Variants in PNLIP observed in about 807,000 individuals in gnomAD.
PNLIP encodes pancreatic lipase.
A neutral mutation model predicts 57.1 loss-of-function variants in PNLIP; 49 were observed. That is an observed-to-expected ratio of 0.86 (90% CI 0.68 to 1.09). PNLIP has a LOEUF of 1.09. Among genes scored for constraint, PNLIP ranks in the 50% least tolerant of loss-of-function variants. PNLIP has a pLI of 0.00. For missense variants in PNLIP, 503 were observed against 570.2 expected (o/e 0.88, Z 1.20); for synonymous variants, 209 against 200.4 (o/e 1.04, Z -0.36).
At chr10:116,549,420 A>C (rs1199862634) in intron 4 of PNLIP, among the ~76,000 whole-genome samples, 1 of 152,142 alleles carries the variant, frequency 6.6e-6, no homozygotes, top group Non-Finnish European at 1.5e-5. Flanking sequence ...CAGAGGTTGC[A>C]GTGAGCCAAG....
Position 116,545,957 on chromosome 10 carries a change from C to A in PNLIP, c.-2C>A. 2 of 700,544 alleles carry A rather than the reference C, an allele frequency of 2.9e-6. No individual in the cohort carries two copies. Among genetic ancestry groups the A allele is most frequent in the Non-Finnish European group, 5.0e-6 (2 of 398,224 alleles). 43.4% of individuals were successfully genotyped at this position (700,544 alleles called of 1,614,324 possible). A position where few individuals can be genotyped will look rare whatever the true frequency, so the allele number is the denominator to read the frequency against. ...CGTGTGGAACCTGACGGAACTGCCACGGTGAGTCGGGAACATGTTTTCCAG... is the reference window on the plus strand; with the variant it reads ...CGTGTGGAACCTGACGGAACTGCCAAGGTGAGTCGGGAACATGTTTTCCAG... On this transcript the variant is annotated splice_region_variant and 5_prime_UTR_variant, in exon 1 of 13. Coordinates refer to ENST00000369221, the MANE Select transcript of PNLIP (RefSeq NM_000936.4).
intron 12 of PNLIP, among the ~76,000 whole-genome samples, chr10:116,566,547 T>G (rs964092154): frequency 6.6e-6 from 1 of 152,172 alleles, no homozygotes; most frequent in African/African-American, 2.4e-5. Context: ...AATTTAAATA[T>G]GTACAGTTTA....
At chr10:116,565,979 T>G (rs2133210656) in intron 12 of PNLIP, among the ~76,000 whole-genome samples, 2 of 152,254 alleles carry the variant, frequency 1.3e-5, no homozygotes, top group East Asian at 3.9e-4. Flanking sequence ...CAGCTAATTT[T>G]TGTATTTTTA....
At chr10:116,550,279 C>A (rs192522410) in intron 4 of PNLIP, among the ~76,000 whole-genome samples, 1,783 of 151,366 alleles carry the variant, frequency 0.012, 39 homozygotes, top group African/African-American at 0.041. Flanking sequence ...AGGATGGTCT[C>A]GATCTCATGA....
chr10:116,565,374 C>G lies in PNLIP; in HGVS notation c.1335-2361C>G, dbSNP rs1229354923. Among the ~76,000 whole-genome samples the G allele has an allele frequency of 4.7e-5, 7 of 150,226 alleles. No homozygotes were observed. The East Asian group carries it at 1.4e-3, about 29-fold the overall frequency. On this transcript the variant is annotated intron_variant, in intron 12 of 12. Coordinates refer to ENST00000369221, the MANE Select transcript of PNLIP (RefSeq NM_000936.4). ...AATAATCATATAAAGTAAAAATGGT[C>G]TAAATACTACAATTAGAAGACAAAA...
chr10:116,555,533 ATCT>A (rs1438236289), intron 8 of PNLIP, 26 bp downstream of exon 8: 1 of 1,607,234 alleles, frequency 6.2e-7, no homozygotes, highest in Admixed American at 1.7e-5. Context: ...GTAGAAAGAG[ATCT>A]TCTTGGGAGA....
At chr10:116,563,840 C>T (rs1258161135) in intron 12 of PNLIP, among the ~76,000 whole-genome samples, 1 of 151,890 alleles carries the variant, frequency 6.6e-6, no homozygotes, top group Non-Finnish European at 1.5e-5. Context: ...ACCTTGAATA[C>T]ATAATAGAAA....
At chr10:116,555,929 A>G (rs768815139) in intron 8 of PNLIP, 71 bp from the exon 9 acceptor site, 2 of 898,164 alleles carry the variant, frequency 2.2e-6, no homozygotes, top group Non-Finnish European at 3.7e-6. Context: ...TTCAACCACT[A>G]TATTCTGAAT....
chr10:116,552,473 T>A (rs1289967154), intron 5 of PNLIP, among the ~76,000 whole-genome samples: 2 of 152,078 alleles, frequency 1.3e-5, no homozygotes, highest in Non-Finnish European at 2.9e-5. Context: ...TTTGACAAGT[T>A]AAAAAAATTA....
rs1359687624 is a variant in PNLIP at position 116,553,115 on chromosome 10, A to G, written c.460-612A>G. 3.3e-5 allele frequency among the ~76,000 whole-genome samples: 5 copies of G among 151,578 alleles called. No individual in the cohort carries two copies. In the South Asian group the frequency reaches 1.0e-3, roughly 32 times the overall value. On this transcript the variant is annotated intron_variant, in intron 5 of 12. Coordinates refer to ENST00000369221, the MANE Select transcript of PNLIP (RefSeq NM_000936.4). ...AGATCTACCACTTCAGAATTTTTTT[A>G]TTTTTTTTCAGACAGAGTCTTGCTC...
chr10:116,566,309 AGTGCACACACC>A, intron 12 of PNLIP, among the ~76,000 whole-genome samples: 1 of 152,232 alleles, frequency 6.6e-6, no homozygotes, highest in Non-Finnish European at 1.5e-5. Context: ...GCTAGACAAG[AGTGCACACACC>A]TTAGATTCCA....
intron 8 of PNLIP, among the ~76,000 whole-genome samples, chr10:116,555,729 G>T (rs1322661969): frequency 6.6e-6 from 1 of 152,186 alleles, no homozygotes; most frequent in Non-Finnish European, 1.5e-5. Flanking sequence ...CTAATTCAGG[G>T]AATGAGCTTT....
chr10:116,547,379 G>A lies in PNLIP; in HGVS notation c.132G>A (p.Leu44=). The A allele has an allele frequency of 6.2e-7, 1 of 1,613,982 alleles. No homozygotes were observed. Among genetic ancestry groups the A allele is most frequent in the Non-Finnish European group, 8.5e-7 (1 of 1,179,922 alleles). Residue 44 remains leucine (L), a synonymous_variant, in exon 3 of 13, where the codon TTG becomes TTA. Transcript: ENST00000369221. The part of the protein sequence containing the change: ...SGITERPLHI[L]PWSPKDVNTR... ...TTACGGAAAGACCCCTCCATATATT[G>A]CCTTGGTCTCCAAAAGATGTCAACA...
chr10:116,560,276 TACACAC>T (rs71301597), intron 10 of PNLIP, 134 bp from the exon 11 acceptor site: 5,200 of 424,002 alleles, frequency 0.012, 78 homozygotes, highest in African/African-American at 0.056. Flanking sequence ...ATTAGAAAAT[TACACAC>T]ACACACACAC....
At chr10:116,559,087 T>G in intron 9 of PNLIP, 67 bp from the exon 10 acceptor site, 4 of 1,555,258 alleles carry the variant, frequency 2.6e-6, no homozygotes, top group Non-Finnish European at 3.5e-6. Context: ...GGCGACAACA[T>G]GTAGGAAATA....
intron 9 of PNLIP, among the ~76,000 whole-genome samples, chr10:116,557,421 TG>T (rs1240822761): frequency 1.2e-4 from 19 of 152,278 alleles, no homozygotes; most frequent in African/African-American, 4.3e-4. Context: ...TGGTGGTCGA[TG>T]TGTGTTCAGC....
intron 11 of PNLIP, among the ~76,000 whole-genome samples, 175 bp downstream of exon 11, chr10:116,560,699 TC>T (rs1330479553): frequency 1.3e-5 from 2 of 151,830 alleles, no homozygotes; most frequent in African/African-American, 4.8e-5. Flanking sequence ...TGCCTTAGCC[TC>T]CCGAGTAGCT....
intron 9 of PNLIP, 92 bp downstream of exon 9, chr10:116,556,210 T>G (rs913099817): frequency 6.8e-6 from 5 of 735,066 alleles, no homozygotes; most frequent in Non-Finnish European, 1.2e-5. Context: ...ATTCAATGAA[T>G]GTTTATACTT....
chr10:116,552,005 TA>T (rs1458627869), intron 5 of PNLIP, among the ~76,000 whole-genome samples: 1 of 152,136 alleles, frequency 6.6e-6, no homozygotes, highest in Non-Finnish European at 1.5e-5. Flanking sequence ...ACAATGGAGC[TA>T]AAAAATTCCT....
Sources: gnomAD v4.1 joint callset for allele counts (sites outside exome capture counted in the v4.1 genomes callset) on GRCh38, gnomAD v4.1.1 for gene constraint, MANE v1.5 for transcripts, NCBI Gene and HGNC (gene_info 2026-07-23, HGNC 2026-07-21) for gene names.